GRIN2A: variants seen among roughly 807,000 people sequenced by gnomAD.
The protein encoded by GRIN2A is glutamate receptor ionotropic, NMDA 2A.
Under a neutral mutation model 113.4 loss-of-function variants are expected in GRIN2A, and 22 were observed. The observed-to-expected ratio is 0.19, with a 90% CI of 0.14 to 0.28. The LOEUF (loss-of-function observed/expected upper bound fraction) is 0.28, where lower values mean the gene tolerates loss of function less well. Among genes scored for constraint, GRIN2A ranks in the 10% least tolerant of loss-of-function variants. The pLI is 1.00. For synonymous variants in GRIN2A, 827 were observed against 738.4 expected (o/e 1.12, Z -1.94); for missense variants, 1,502 against 1,887.0 (o/e 0.80, Z 3.78).
At chr16:9,767,396 TTTTA>T (rs545769860) in intron 12 of GRIN2A, among the ~76,000 whole-genome samples, 174 of 152,144 alleles carry the variant, frequency 1.1e-3, no homozygotes, top group African/African-American at 3.9e-3. Context: ...AAAATTAGAT[TTTTA>T]TTTATTTATT....
chr16:9,890,407 A>C (rs191419130), intron 4 of GRIN2A, among the ~76,000 whole-genome samples: 53 of 152,376 alleles, frequency 3.5e-4, no homozygotes, highest in Non-Finnish European at 6.0e-4. Flanking sequence ...TGTATGGTAC[A>C]TAAGATGATG....
chr16:9,821,586 G>A (rs1024370156), intron 10 of GRIN2A, among the ~76,000 whole-genome samples: 4 of 152,094 alleles, frequency 2.6e-5, no homozygotes, highest in African/African-American at 9.7e-5. Context: ...CATCCAAAAG[G>A]CTTTCCATCA....
At position 9,986,447 on chromosome 16, in the gene GRIN2A, A is replaced by G. The variant is rs528970992; in HGVS notation, c.415-47896T>C. Among the ~76,000 whole-genome samples, 53 of 152,292 alleles carry G rather than the reference A, an allele frequency of 3.5e-4. 1 individual carries two copies. In the South Asian group the frequency reaches 0.011, roughly 31 times the overall value. ...TAGTGTATTTCTGTTTTAACAATGT[A>G]CAATAACCAAAAGGCTCTTTTAAAG... On this transcript the variant is annotated intron_variant, in intron 2 of 12. Coordinates refer to ENST00000330684, the MANE Select transcript of GRIN2A (RefSeq NM_001134407.3).
At chr16:10,143,075 G>T (rs1284701266) in intron 2 of GRIN2A, among the ~76,000 whole-genome samples, 1 of 152,142 alleles carries the variant, frequency 6.6e-6, no homozygotes. Context: ...GGTCTTAATT[G>T]TACTATAAAT....
At chr16:10,132,105 G>C (rs968850416) in intron 2 of GRIN2A, among the ~76,000 whole-genome samples, 13 of 152,200 alleles carry the variant, frequency 8.5e-5, no homozygotes, top group Admixed American at 7.2e-4. Flanking sequence ...ACTCAGGCAG[G>C]CAGATCACTT....
chr16:10,042,493 G>A (rs1369582442), intron 2 of GRIN2A, among the ~76,000 whole-genome samples: 2 of 152,140 alleles, frequency 1.3e-5, no homozygotes, highest in Non-Finnish European at 2.9e-5. Flanking sequence ...TTAGATCACT[G>A]CACCTCTGGC....
chr16:9,761,489 A>T lies in GRIN2A; in HGVS notation c.*1660T>A. On this transcript the variant is annotated 3_prime_UTR_variant, in exon 13 of 13. Transcript: ENST00000330684. ...ATGGCTAGTTATCCCAAATACTTCA[A>T]AAATATTCATGTACATGAAATACAC... 1 of 230,714 alleles carries T rather than the reference A, an allele frequency of 4.3e-6. No homozygotes were observed. Among genetic ancestry groups the T allele is most frequent in the Non-Finnish European group, 8.6e-6 (1 of 116,524 alleles). 14.3% of individuals were successfully genotyped at this position (230,714 alleles called of 1,614,324 possible).
chr16:10,179,809 G>A (rs1172820992), intron 2 of GRIN2A, 189 bp downstream of exon 2: 1 of 639,372 alleles, frequency 1.6e-6, no homozygotes, highest in African/African-American at 1.8e-5. Context: ...CAAGGCAAAA[G>A]GCATTTCCAT....
intron 2 of GRIN2A, among the ~76,000 whole-genome samples, chr16:10,163,657 C>T (rs35602214): frequency 6.6e-6 from 1 of 151,654 alleles, no homozygotes; most frequent in Non-Finnish European, 1.5e-5. Context: ...CATAACCAGC[C>T]ACTAAAGGAT....
intron 2 of GRIN2A, among the ~76,000 whole-genome samples, chr16:10,034,535 CAAAAAAAAAAAAAAA>C (rs58076569): frequency 8.2e-5 from 3 of 36,430 alleles, no homozygotes; most frequent in African/African-American, 3.3e-4. Flanking sequence ...CAAAAAAAAG[CAAAAAAAAAAAAAAA>C]AAAAAAAAAA....
intron 11 of GRIN2A, among the ~76,000 whole-genome samples, chr16:9,771,169 C>G (rs1307207459): frequency 6.7e-6 from 1 of 149,686 alleles, no homozygotes; most frequent in East Asian, 1.9e-4. Context: ...TTTCAATTTG[C>G]AATTCCCTAA....
intron 2 of GRIN2A, among the ~76,000 whole-genome samples, chr16:10,147,455 C>CAAAAAAAAAAAAAAA (rs367830700): frequency 4.1e-5 from 3 of 72,916 alleles, no homozygotes; most frequent in Non-Finnish European, 7.0e-5. Context: ...ACTAAAAATA[C>CAAAAAAAAAAAAAAA]AAAAAAAAAA....
At chr16:9,996,367 C>T (rs1209199829) in intron 2 of GRIN2A, among the ~76,000 whole-genome samples, 1 of 152,196 alleles carries the variant, frequency 6.6e-6, no homozygotes, top group Non-Finnish European at 1.5e-5. Context: ...GATGCAGGCT[C>T]CCTGGGCTCC....
chr16:9,779,224 G>C (rs1252391781), intron 11 of GRIN2A, among the ~76,000 whole-genome samples: 1 of 152,222 alleles, frequency 6.6e-6, no homozygotes, highest in Non-Finnish European at 1.5e-5. Flanking sequence ...CTGGCCAGGG[G>C]CTTCAGCCAT....
At chr16:9,818,603 A>C (rs1035073835) in intron 10 of GRIN2A, among the ~76,000 whole-genome samples, 2 of 152,168 alleles carry the variant, frequency 1.3e-5, no homozygotes, top group African/African-American at 4.8e-5. Flanking sequence ...AAAGACCAAC[A>C]AACCAATAGA....
rs558635223 is a variant in GRIN2A, at chr16:9,958,845, C to A, written c.415-20294G>T. Among the ~76,000 whole-genome samples, 10 of 152,252 alleles carry A rather than the reference C, an allele frequency of 6.6e-5. No homozygotes were observed. The East Asian group carries it at 1.9e-3, about 29-fold the overall frequency. ...GCCTTAACAGACTAGAAAATCGATA[C>A]AAGCATGGGCTTGTTCACTGATACA... On this transcript the variant is annotated intron_variant, in intron 2 of 12. Transcript: ENST00000330684.
intron 10 of GRIN2A, among the ~76,000 whole-genome samples, chr16:9,816,337 T>C (rs2042185103): frequency 6.6e-6 from 1 of 152,340 alleles, no homozygotes; most frequent in South Asian, 2.1e-4. Context: ...TTCTAACTAC[T>C]GCATGTAAAG....
intron 2 of GRIN2A, among the ~76,000 whole-genome samples, chr16:9,999,539 C>A (rs2046285577): frequency 6.6e-6 from 1 of 151,822 alleles, no homozygotes; most frequent in Admixed American, 6.6e-5. Flanking sequence ...GGGAGTTGAA[C>A]AATTAGAACA....
intron 9 of GRIN2A, among the ~76,000 whole-genome samples, chr16:9,822,776 T>C (rs1353460897): frequency 6.6e-6 from 1 of 152,192 alleles, no homozygotes; most frequent in East Asian, 1.9e-4. Context: ...CAGTCAGTAC[T>C]TAGAAATGCT....
Sources: allele counts gnomAD v4.1 joint callset (sites outside exome capture counted in the v4.1 genomes callset), GRCh38; gene constraint gnomAD v4.1.1; transcripts MANE v1.5; gene names NCBI Gene and HGNC (gene_info 2026-07-23, HGNC 2026-07-21).